The following STX18 variants were observed in gnomAD, a reference collection of about 807,000 sequenced individuals.
The protein encoded by STX18 is syntaxin 18.
STX18 carries 40 observed loss-of-function variants against 50.1 expected under a neutral mutation model. The ratio of observed to expected loss-of-function variants is 0.80; its 90% CI spans 0.62 to 1.04. STX18 has a LOEUF of 1.04. STX18 is among the 50% of genes least tolerant of loss of function. The pLI is 0.00. For missense variants in STX18, 410 were observed against 415.8 expected, an observed-to-expected ratio of 0.99 and a Z score of 0.12; for synonymous variants, 158 against 151.8, an observed-to-expected ratio of 1.04 and a Z score of -0.30.
At chr4:4,447,009 G>C (rs1381939194) in intron 5 of STX18, among the ~76,000 whole-genome samples, 1 of 152,118 alleles carries the variant, frequency 6.6e-6, no homozygotes, top group African/African-American at 2.4e-5. Flanking sequence ...GTTAAGCAAA[G>C]GAAAAGCCAG....
At chr4:4,433,534 T>TAAAAA (rs10676475) in intron 7 of STX18, among the ~76,000 whole-genome samples, 43 of 111,046 alleles carry the variant, frequency 3.9e-4, no homozygotes, top group East Asian at 5.5e-4. Flanking sequence ...AAAAATAAAT[T>TAAAAA]AAAAAAAAAA....
rs1324684987 is a variant in STX18 at position 4,434,999 on chromosome 4, T to G, written c.614-141A>C. On this transcript the variant is annotated intron_variant, in intron 6 of 10. Coordinates refer to ENST00000306200, the MANE Select transcript of STX18 (RefSeq NM_016930.4). ...ATATTTCATGATCTTTGGGCTAATA[T>G]TCAGGCACTGCAGACATGATTCTTT... 9.6e-6 allele frequency: 6 copies of G among 621,922 alleles called. No homozygotes were observed. In the South Asian group the frequency reaches 1.1e-4, roughly 12 times the overall value. The allele number at this position is 621,922 out of a possible 1,614,324, so 38.5% of individuals were successfully genotyped here.
intron 8 of STX18, among the ~76,000 whole-genome samples, chr4:4,424,596 T>C (rs1725148960): frequency 6.6e-6 from 1 of 152,128 alleles, no homozygotes; most frequent in Non-Finnish European, 1.5e-5. Flanking sequence ...TCAGGATTGA[T>C]TTTATTTGGG....
chr4:4,444,815 A>G (rs549216523), intron 5 of STX18, among the ~76,000 whole-genome samples: 33 of 151,546 alleles, frequency 2.2e-4, no homozygotes, highest in Non-Finnish European at 4.1e-4. Context: ...ACAAATATGA[A>G]AACAAACTAA....
chr4:4,428,192 G>A (rs1560158081), intron 7 of STX18, among the ~76,000 whole-genome samples: 1 of 152,252 alleles, frequency 6.6e-6, no homozygotes, highest in Non-Finnish European at 1.5e-5. Context: ...TGTACCACGT[G>A]GATATGGGAG....
intron 1 of STX18, among the ~76,000 whole-genome samples, chr4:4,537,125 T>C (rs1201728108): frequency 6.6e-6 from 1 of 152,154 alleles, no homozygotes; most frequent in Non-Finnish European, 1.5e-5. Flanking sequence ...TAGCCCCCCC[T>C]GGCTCCTGTA....
chr4:4,439,247 CATAT>C (rs1168292412), intron 5 of STX18, among the ~76,000 whole-genome samples: 5 of 141,288 alleles, frequency 3.5e-5, no homozygotes, highest in East Asian at 2.1e-4. Flanking sequence ...ACACCACATA[CATAT>C]ATTCACATAT....
At chr4:4,459,048 GAACA>G (rs935927475) in intron 3 of STX18, among the ~76,000 whole-genome samples, 3 of 125,714 alleles carry the variant, frequency 2.4e-5, no homozygotes, top group East Asian at 4.0e-4. Context: ...TTGCCACACA[GAACA>G]CACACACACG....
chr4:4,435,120 A>G (rs1195280299), intron 6 of STX18, among the ~76,000 whole-genome samples: 1 of 152,160 alleles, frequency 6.6e-6, no homozygotes, highest in Non-Finnish European at 1.5e-5. Flanking sequence ...TATCGCACTG[A>G]TGTCAGCAAT....
intron 1 of STX18, among the ~76,000 whole-genome samples, chr4:4,475,181 T>G (rs138050453): frequency 8.6e-4 from 131 of 152,340 alleles, no homozygotes; most frequent in African/African-American, 3.0e-3. Flanking sequence ...TACAAGAGGT[T>G]GCAGTTAGTC....
intron 1 of STX18, among the ~76,000 whole-genome samples, chr4:4,484,015 C>T (rs1448022731): frequency 6.6e-6 from 1 of 151,974 alleles, no homozygotes; most frequent in Admixed American, 6.6e-5. Flanking sequence ...GTGCGTGCCA[C>T]CATGCCCAGC....
chr4:4,507,155 C>T, intron 1 of STX18: 1 of 557,174 alleles, frequency 1.8e-6, no homozygotes, highest in South Asian at 1.5e-5. Context: ...GCTAGCAACA[C>T]AGTACAAGAC....
At chr4:4,463,026 C>T (rs535487678) in intron 2 of STX18, among the ~76,000 whole-genome samples, 1 of 152,346 alleles carries the variant, frequency 6.6e-6, no homozygotes, top group South Asian at 2.1e-4. Context: ...CTTAAAACAA[C>T]TGCAAAGTTG....
chr4:4,427,404 T>C (rs1177364100), intron 7 of STX18, among the ~76,000 whole-genome samples: 1 of 152,222 alleles, frequency 6.6e-6, no homozygotes, highest in African/African-American at 2.4e-5. Flanking sequence ...ACTTTTGAGT[T>C]TGAAAGTATC....
chr4:4,462,648 G>A (rs1727440549), intron 2 of STX18, among the ~76,000 whole-genome samples: 1 of 151,750 alleles, frequency 6.6e-6, no homozygotes, highest in Non-Finnish European at 1.5e-5. Flanking sequence ...GATCACTTGA[G>A]CTCAGGATTT....
intron 1 of STX18, among the ~76,000 whole-genome samples, chr4:4,503,482 T>A (rs7659881): frequency 0.34 from 52,424 of 151,980 alleles, 12,404 homozygotes; most frequent in African/African-American, 0.68. Context: ...ACTTTCAGTC[T>A]TCACTGGAAA....
intron 1 of STX18, among the ~76,000 whole-genome samples, chr4:4,534,753 G>A (rs1420898936): frequency 6.6e-6 from 1 of 152,234 alleles, no homozygotes; most frequent in Non-Finnish European, 1.5e-5. Flanking sequence ...TTCTCTAAAG[G>A]GTCATACAGT....
chr4:4,519,480 C>A (rs1730420355), intron 1 of STX18, among the ~76,000 whole-genome samples: 1 of 152,148 alleles, frequency 6.6e-6, no homozygotes, highest in Non-Finnish European at 1.5e-5. Flanking sequence ...CCATTTCAGA[C>A]CACTAGGGAC....
rs147728892 is a variant in STX18, at chr4:4,464,490, C to T, written c.237-5003G>A. Among the ~76,000 whole-genome samples, 325 of 152,308 alleles carry T rather than the reference C, an allele frequency of 2.1e-3. 6 individuals are homozygous for T. The highest frequency in any genetic ancestry group is 0.011 in the East Asian group (59 of 5,186). On this transcript the variant is annotated intron_variant, in intron 2 of 10. Transcript: ENST00000306200. ...AGACGCTGTCTGCAGGGTGTATGCA[C>T]GTGCCAACCCCTTTGCATTTGGATT...
Sources: gnomAD v4.1 joint callset for allele counts (sites outside exome capture counted in the v4.1 genomes callset) on GRCh38, gnomAD v4.1.1 for gene constraint, MANE v1.5 for transcripts, NCBI Gene and HGNC (gene_info 2026-07-23, HGNC 2026-07-21) for gene names.